The following DSCAM variants were observed in gnomAD, a reference collection of about 807,000 sequenced individuals.
The protein encoded by DSCAM is cell adhesion molecule DSCAM.
DSCAM carries 47 observed loss-of-function variants against 217.7 expected under a neutral mutation model. The observed-to-expected ratio is 0.22, with a 90% confidence interval of 0.17 to 0.28. The LOEUF (loss-of-function observed/expected upper bound fraction) is 0.28, where lower values mean the gene tolerates loss of function less well. Among genes scored for constraint, DSCAM ranks in the 10% least tolerant of loss-of-function variants. DSCAM has a pLI of 1.00. For synonymous variants in DSCAM, 1,056 were observed against 1,015.3 expected, an observed-to-expected ratio of 1.04 and a Z score of -0.76; for missense variants, 2,080 against 2,618.3, an observed-to-expected ratio of 0.79 and a Z score of 4.49.
At chr21:40,684,138 C>G (rs1432463145) in intron 3 of DSCAM, among the ~76,000 whole-genome samples, 1 of 151,530 alleles carries the variant, frequency 6.6e-6, no homozygotes, top group East Asian at 1.9e-4. Context: ...GCAGGAGAAT[C>G]ACTTGAACTC....
chr21:40,041,372 A>T (rs919982856), intron 32 of DSCAM, among the ~76,000 whole-genome samples: 2 of 152,224 alleles, frequency 1.3e-5, no homozygotes, highest in Non-Finnish European at 2.9e-5. Context: ...ATTCCACCTA[A>T]AGATGGGTTT....
intron 11 of DSCAM, among the ~76,000 whole-genome samples, chr21:40,189,640 C>T (rs554629409): frequency 6.6e-5 from 10 of 152,086 alleles, no homozygotes; most frequent in South Asian, 2.1e-4. Flanking sequence ...GTCATGGAGG[C>T]GGATCTTTCC....
rs889111832 is a variant in DSCAM, at chr21:40,129,058, G to T, written c.3563-4730C>A. Among the ~76,000 whole-genome samples the T allele has an allele frequency of 2.0e-5, 3 of 152,110 alleles. No individual in the cohort carries two copies. The East Asian group carries it at 5.8e-4, about 29-fold the overall frequency. On this transcript the variant is annotated intron_variant, in intron 19 of 32. Coordinates refer to ENST00000400454, the MANE Select transcript of DSCAM (RefSeq NM_001389.5). ...CTGACTAAACACCCACACAGACACC[G>T]CAGTCAGCTTCATTTTTTTTCACCA...
chr21:40,487,304 CGTGT>C (rs57837494), intron 3 of DSCAM, among the ~76,000 whole-genome samples: 16,124 of 141,502 alleles, frequency 0.11, 1,077 homozygotes, highest in Non-Finnish European at 0.15. Context: ...TGTGTGCGTG[CGTGT>C]GTGTGTGTGT....
intron 3 of DSCAM, among the ~76,000 whole-genome samples, chr21:40,548,534 A>T (rs2076603607): frequency 6.6e-6 from 1 of 151,444 alleles, no homozygotes; most frequent in Non-Finnish European, 1.5e-5. Flanking sequence ...GTACAATATA[A>T]AATATATAAT....
At chr21:40,386,424 T>C (rs2075085786) in intron 3 of DSCAM, among the ~76,000 whole-genome samples, 1 of 152,230 alleles carries the variant, frequency 6.6e-6, no homozygotes, top group Non-Finnish European at 1.5e-5. Context: ...CAAAGGCACC[T>C]GCCTGGTGCT....
At chr21:40,042,949 T>TA (rs34732318) in intron 31 of DSCAM, among the ~76,000 whole-genome samples, 26,379 of 152,026 alleles carry the variant, frequency 0.17, 2,540 homozygotes, top group Non-Finnish European at 0.23. Flanking sequence ...GCCTTCCCTT[T>TA]AAAAAAAATC....
chr21:40,824,326 G>GA (rs912623408), intron 1 of DSCAM, among the ~76,000 whole-genome samples: 2 of 151,488 alleles, frequency 1.3e-5, no homozygotes, highest in Non-Finnish European at 2.9e-5. Context: ...TTTAACACAC[G>GA]AATCTTCAAT....
intron 11 of DSCAM, among the ~76,000 whole-genome samples, chr21:40,262,060 T>A (rs866815796): frequency 2.0e-5 from 3 of 152,146 alleles, no homozygotes; most frequent in Non-Finnish European, 4.4e-5. Flanking sequence ...TCGCTTTCTT[T>A]CTTTCTTTCT....
chr21:40,675,494 A>G lies in DSCAM; in HGVS notation c.508+17316T>C, dbSNP rs2090328173. Among the ~76,000 whole-genome samples the G allele has an allele frequency of 2.0e-5, 3 of 152,214 alleles. No individual in the cohort carries two copies. The South Asian group carries it at 6.2e-4, about 32-fold the overall frequency. On this transcript the variant is annotated intron_variant, in intron 3 of 32. Transcript: ENST00000400454. The stretch of plus-strand genomic sequence containing the variant: ...CGCCAATAACTTCGTTTCTGTAACT[A>G]GGTTCAAATAACTGTCCCTAATTTA...
intron 3 of DSCAM, among the ~76,000 whole-genome samples, chr21:40,649,009 G>A (rs1228101951): frequency 6.6e-6 from 1 of 152,182 alleles, no homozygotes; most frequent in Non-Finnish European, 1.5e-5. Flanking sequence ...GCCCAGGCAG[G>A]GGGATATCGC....
chr21:40,241,381 G>GA (rs1249475318), intron 11 of DSCAM, among the ~76,000 whole-genome samples: 1 of 152,052 alleles, frequency 6.6e-6, no homozygotes, highest in African/African-American at 2.4e-5. Context: ...ACAAATATAT[G>GA]AAAAAAGCTC....
rs1435239788 is a variant in DSCAM, at chr21:40,339,145, A to G, written c.1481T>C (p.Leu494Pro). Residue 494 changes from leucine to proline, a missense_variant, in exon 7 of 33, where the codon CTG becomes CCG. By Grantham distance (98) the Leu-to-Pro change is moderately conservative. Transcript: ENST00000400454. ...TCTTACGTTTATTCGAGCCTGGTAC[A>G]GGACGACTCCCGCCGAGTTGTTGGC... Reference protein sequence around the residue: ...CTANNSAGVVLYQARINVRGP... With the variant: ...CTANNSAGVVPYQARINVRGP... 1.9e-6 allele frequency: 3 copies of G among 1,614,048 alleles called. No individual in the cohort carries two copies. Among genetic ancestry groups the G allele is most frequent in the Middle Eastern group, 1.6e-4 (1 of 6,082 alleles).
intron 1 of DSCAM, among the ~76,000 whole-genome samples, chr21:40,823,943 TCA>T (rs1328205944): frequency 6.6e-6 from 1 of 151,824 alleles, no homozygotes; most frequent in Non-Finnish European, 1.5e-5. Context: ...AACGCAAATT[TCA>T]CAGAGTCTCA....
intron 11 of DSCAM, among the ~76,000 whole-genome samples, chr21:40,274,661 C>T (rs1310244904): frequency 1.3e-5 from 2 of 152,214 alleles, no homozygotes; most frequent in Non-Finnish European, 2.9e-5. Flanking sequence ...AACAGTACCA[C>T]AATTCGTTAT....
chr21:40,840,683 GA>G (rs2092093546), intron 1 of DSCAM, among the ~76,000 whole-genome samples: 1 of 152,078 alleles, frequency 6.6e-6, no homozygotes, highest in Non-Finnish European at 1.5e-5. Flanking sequence ...GGCGTTTCTG[GA>G]AAATAAACAT....
intron 3 of DSCAM, among the ~76,000 whole-genome samples, chr21:40,406,676 C>T (rs1668865803): frequency 6.6e-6 from 1 of 152,166 alleles, no homozygotes; most frequent in South Asian, 2.1e-4. Flanking sequence ...CTGCAACCTC[C>T]ACCTCTCAGG....
At chr21:40,030,357 T>C (rs1329803960) in intron 32 of DSCAM, among the ~76,000 whole-genome samples, 2 of 151,926 alleles carry the variant, frequency 1.3e-5, no homozygotes, top group Non-Finnish European at 2.9e-5. Context: ...TTCCCGACTG[T>C]GGTGAGTGCT....
chr21:40,777,535 A>G (rs1049362366), intron 1 of DSCAM, among the ~76,000 whole-genome samples: 1 of 152,208 alleles, frequency 6.6e-6, no homozygotes, highest in Non-Finnish European at 1.5e-5. Context: ...ATGAAACACA[A>G]TTCAGAAAAC....
Sources: gnomAD v4.1 joint callset for allele counts (sites outside exome capture counted in the v4.1 genomes callset) on GRCh38, gnomAD v4.1.1 for gene constraint, MANE v1.5 for transcripts, NCBI Gene and HGNC (gene_info 2026-07-23, HGNC 2026-07-21) for gene names.